The following SBF2 variants were observed in gnomAD, a reference collection of about 807,000 sequenced individuals.
SBF2 encodes the protein SET binding factor 2, also known as myotubularin-related protein 13.
SBF2 carries 112 observed loss-of-function variants against 225.2 expected under a neutral mutation model. The ratio of observed to expected loss-of-function variants is 0.50; its 90% CI spans 0.43 to 0.58. The LOEUF is 0.58. Among genes scored for constraint, SBF2 ranks in the 20% least tolerant of loss-of-function variants. The pLI is 0.00. For synonymous variants in SBF2, 763 were observed against 773.3 expected (o/e 0.99, Z 0.22); for missense variants, 1,996 against 2,206.2 (o/e 0.90, Z 1.91).
chr11:9,782,267 G>A (rs1312396344), intron 38 of SBF2, among the ~76,000 whole-genome samples: 2 of 150,880 alleles, frequency 1.3e-5, no homozygotes, highest in African/African-American at 2.4e-5. Context: ...GTAATATACA[G>A]AATTCCCAGA....
chr11:9,847,736 A>G (rs144993992), intron 22 of SBF2, among the ~76,000 whole-genome samples: 1 of 152,280 alleles, frequency 6.6e-6, no homozygotes, highest in East Asian at 1.9e-4. Context: ...ATTATTTATC[A>G]AGTACCTGAG....
intron 17 of SBF2, among the ~76,000 whole-genome samples, chr11:9,889,644 T>C (rs1860630463): frequency 6.6e-6 from 1 of 152,194 alleles, no homozygotes; most frequent in Admixed American, 6.5e-5. Context: ...ACTCCAGGTG[T>C]GGAAAATTCT....
At position 10,154,407 on chromosome 11, in the gene SBF2, C is replaced by T. The variant is rs549424296; in HGVS notation, c.141+39495G>A. The stretch of plus-strand genomic sequence containing the variant: ...TTCTTCTGGCCTATATTTTAGTTCA[C>T]GAATTTTCTTCAACAATACTCAATG... On this transcript the variant is annotated intron_variant, in intron 2 of 39. Transcript: ENST00000256190. 2.6e-5 allele frequency among the ~76,000 whole-genome samples: 4 copies of T among 152,112 alleles called. No homozygotes were observed. In the South Asian group the frequency reaches 6.2e-4, roughly 24 times the overall value.
intron 1 of SBF2, among the ~76,000 whole-genome samples, chr11:10,277,679 A>G (rs1358959047): frequency 6.6e-6 from 1 of 152,188 alleles, no homozygotes. Flanking sequence ...CCCTAAATCC[A>G]ATGATTAGCA....
intron 2 of SBF2, among the ~76,000 whole-genome samples, chr11:10,152,237 G>C (rs544233595): frequency 2.0e-4 from 31 of 152,230 alleles, no homozygotes; most frequent in African/African-American, 5.8e-4. Flanking sequence ...ATTAAGGAAG[G>C]CATATTTATT....
At chr11:10,262,039 T>C (rs1332780744) in intron 1 of SBF2, among the ~76,000 whole-genome samples, 1 of 152,116 alleles carries the variant, frequency 6.6e-6, no homozygotes, top group African/African-American at 2.4e-5. Context: ...TACAAAGATG[T>C]GTAAAATTCC....
rs1194637926 is a variant in SBF2, at chr11:10,133,390, A to G, written c.141+60512T>C. On this transcript the variant is annotated intron_variant, in intron 2 of 39. Transcript: ENST00000256190. ...GTCGGGGAGGCTCGGGCCGCACAGG[A>G]GCCCATGGAGTGGGTGGGAGGCTTA... 1.3e-5 allele frequency among the ~76,000 whole-genome samples: 2 copies of G among 149,330 alleles called. 1 individual carries two copies. Among genetic ancestry groups the G allele is most frequent in the East Asian group, 4.4e-4 (2 of 4,570 alleles).
In SBF2 at chr11:10,042,966, C is replaced by T. The variant is rs900191960; in HGVS notation, c.157G>A (p.Gly53Arg). 7 of 1,613,338 alleles carry T rather than the reference C, an allele frequency of 4.3e-6. No individual in the cohort carries two copies. The highest frequency in any genetic ancestry group is 2.2e-5 in the East Asian group (1 of 44,868). Residue 53 changes from glycine to arginine, a missense_variant, in exon 3 of 40, where the codon GGG becomes AGG. By Grantham distance (125) the Gly-to-Arg change is moderately radical (BLOSUM62 -2). Coordinates refer to ENST00000256190, the MANE Select transcript of SBF2 (RefSeq NM_030962.4). ...QGIELFCQPG[G>R]WQLSRERKQP... ...TTCCTCTCTCTGGACAGCTGCCACCCGCCAGGCTGACAAAACTAAATGAAA... is the reference window on the plus strand; with the variant it reads ...TTCCTCTCTCTGGACAGCTGCCACCTGCCAGGCTGACAAAACTAAATGAAA...
chr11:10,280,767 G>A (rs1173533938), intron 1 of SBF2, among the ~76,000 whole-genome samples: 3 of 145,258 alleles, frequency 2.1e-5, no homozygotes, highest in Non-Finnish European at 4.5e-5. Context: ...GTATGGGCAT[G>A]AGAAAACTTC....
At chr11:9,805,741 G>A (rs927458468) in intron 32 of SBF2, among the ~76,000 whole-genome samples, 3 of 152,090 alleles carry the variant, frequency 2.0e-5, no homozygotes, top group Non-Finnish European at 4.4e-5. Flanking sequence ...TCCTGCTTCA[G>A]CCTCCCAAGT....
chr11:10,079,198 A>T (rs1280394872), intron 2 of SBF2, among the ~76,000 whole-genome samples: 1 of 152,234 alleles, frequency 6.6e-6, no homozygotes, highest in Non-Finnish European at 1.5e-5. Context: ...CCGTAATTCT[A>T]TAGCGATGGA....
At chr11:10,093,402 A>C (rs994321633) in intron 2 of SBF2, among the ~76,000 whole-genome samples, 3 of 151,846 alleles carry the variant, frequency 2.0e-5, no homozygotes, top group Non-Finnish European at 2.9e-5. Flanking sequence ...AAAAACAAAA[A>C]AAAATTTCTT....
chr11:10,058,622 C>A (rs997889609), intron 2 of SBF2, among the ~76,000 whole-genome samples: 5 of 152,150 alleles, frequency 3.3e-5, no homozygotes, highest in African/African-American at 1.2e-4. Flanking sequence ...CTTCCCCAAC[C>A]TTGTTAGAGA....
intron 6 of SBF2, among the ~76,000 whole-genome samples, chr11:10,024,794 T>G (rs1215235199): frequency 6.6e-6 from 1 of 152,174 alleles, no homozygotes; most frequent in Non-Finnish European, 1.5e-5. Context: ...ATGCTGCTAT[T>G]CTCTGCTTTG....
intron 17 of SBF2, among the ~76,000 whole-genome samples, chr11:9,882,033 C>T (rs181416454): frequency 4.6e-4 from 70 of 152,240 alleles, no homozygotes; most frequent in African/African-American, 1.5e-3. Flanking sequence ...TTCCACAGCT[C>T]TCCTTGTAAC....
At chr11:10,300,470 A>G (rs931879373) in intron 1 of SBF2, among the ~76,000 whole-genome samples, 10 of 151,994 alleles carry the variant, frequency 6.6e-5, no homozygotes, top group Non-Finnish European at 8.8e-5. Flanking sequence ...GTTCAAGACC[A>G]GCGTGGGCAA....
At position 10,090,011 on chromosome 11, in the gene SBF2, G is replaced by A. The variant is rs912810637; in HGVS notation, c.142-47030C>T. On this transcript the variant is annotated intron_variant, in intron 2 of 39. Transcript: ENST00000256190. ...AAATTTATTTAGTCTTAAGATGGCC[G>A]GAAATTCTGATACATGCCACAACCT... Among the ~76,000 whole-genome samples the A allele has an allele frequency of 5.9e-5, 9 of 152,230 alleles. 1 individual carries two copies. In the South Asian group the frequency reaches 1.0e-3, roughly 18 times the overall value.
chr11:10,275,032 G>A (rs1369242070), intron 1 of SBF2, among the ~76,000 whole-genome samples: 1 of 152,146 alleles, frequency 6.6e-6, no homozygotes, highest in Non-Finnish European at 1.5e-5. Flanking sequence ...TAAAAACTGG[G>A]TAGAAAAATA....
chr11:10,249,446 A>G (rs1220623214), intron 1 of SBF2, among the ~76,000 whole-genome samples: 1 of 152,186 alleles, frequency 6.6e-6, no homozygotes, highest in Non-Finnish European at 1.5e-5. Flanking sequence ...CCTTTTAAAT[A>G]CACTATCAAA....
Sources: allele counts gnomAD v4.1 joint callset (sites outside exome capture counted in the v4.1 genomes callset), GRCh38; gene constraint gnomAD v4.1.1; transcripts MANE v1.5; gene names NCBI Gene and HGNC (gene_info 2026-07-23, HGNC 2026-07-21).